The following PEAK1 variants were observed in gnomAD, a reference collection of about 807,000 sequenced individuals.
PEAK1 encodes inactive tyrosine-protein kinase PEAK1.
A neutral mutation model predicts 124.7 loss-of-function variants in PEAK1; 54 were observed. That is an observed-to-expected ratio of 0.43 (90% CI 0.35 to 0.54). The LOEUF is 0.54. Ranked by LOEUF, PEAK1 falls within the 20% of genes least tolerant of loss-of-function variation. PEAK1 has a pLI of 0.01. For synonymous variants in PEAK1, 719 were observed against 760.0 expected, an observed-to-expected ratio of 0.95 and a Z score of 0.89; for missense variants, 2,046 against 2,134.5, an observed-to-expected ratio of 0.96 and a Z score of 0.82.
At chr15:77,339,749 T>C (rs571971159) in intron 2 of PEAK1, among the ~76,000 whole-genome samples, 18 of 152,244 alleles carry the variant, frequency 1.2e-4, no homozygotes, top group African/African-American at 3.4e-4. Context: ...GCAAAAGACA[T>C]ATCTGAAATC....
At chr15:77,116,704 CTAT>C (rs1566987301) in intron 9 of PEAK1, among the ~76,000 whole-genome samples, 12 of 14,478 alleles carry the variant, frequency 8.3e-4, no homozygotes, top group Admixed American at 2.3e-3. Flanking sequence ...ATCAATCAAT[CTAT>C]CTATCTATCT....
intron 6 of PEAK1, among the ~76,000 whole-genome samples, chr15:77,250,167 A>G (rs961840023): frequency 7.1e-6 from 1 of 141,526 alleles, no homozygotes; most frequent in Non-Finnish European, 1.5e-5. Context: ...ATATATATAC[A>G]TATATATGTA....
chr15:77,247,601 G>T (rs34320515), intron 6 of PEAK1, among the ~76,000 whole-genome samples: 8 of 143,890 alleles, frequency 5.6e-5, no homozygotes, highest in Non-Finnish European at 1.2e-4. Context: ...ACATGCCCCA[G>T]AGTAGCTGGG....
chr15:77,237,173 C>T (rs1275231326), intron 6 of PEAK1, among the ~76,000 whole-genome samples: 1 of 152,138 alleles, frequency 6.6e-6, no homozygotes, highest in Non-Finnish European at 1.5e-5. Context: ...ATATTAGTTA[C>T]TTTTGGATAA....
intron 1 of PEAK1, chr15:77,403,541 T>C (rs2142032174): frequency 1.0e-6 from 1 of 972,520 alleles, no homozygotes; most frequent in Admixed American, 6.2e-5. Flanking sequence ...ACTGGTAGCA[T>C]ATTTATTTAG....
upstream of PEAK1, chr15:77,420,781 G>T: frequency 7.5e-6 from 3 of 398,544 alleles, no homozygotes; most frequent in Non-Finnish European, 1.3e-5. Context: ...CGGAGCAATT[G>T]TAAATGCTAT....
Position 77,382,297 on chromosome 15 carries a change from A to G in PEAK1, c.-665-17072T>C, listed in dbSNP as rs944687467. ...ATTTGACACCCAACAGTCCTTTCCA[A>G]TCTCATCCTTCACCATGCTACTTTC... On this transcript the variant is annotated intron_variant, in intron 1 of 9. Transcript: ENST00000682557. Among the ~76,000 whole-genome samples the G allele has an allele frequency of 3.3e-5, 5 of 152,056 alleles. 1 individual carries two copies. Among genetic ancestry groups the G allele is most frequent in the Non-Finnish European group, 5.9e-5 (4 of 68,006 alleles).
rs1210886123 is a variant in PEAK1 at position 77,181,056 on chromosome 15, AT to A, written c.870del (p.Lys290AsnfsTer28). ...LSPVRFFVDK[K>X]WNTIPLRNKS... ...TTGTTTCGCAGGGGGATGGTATTCC[AT>A]TTTTTGTCCACAAAGAATCGAACAG... On this transcript the variant is annotated frameshift_variant, in exon 7 of 10. Coordinates refer to ENST00000682557, the MANE Select transcript of PEAK1 (RefSeq NM_001385026.1). LOFTEE classifies it high-confidence loss of function. The A allele has an allele frequency of 1.2e-6, 2 of 1,614,124 alleles. No individual in the cohort carries two copies. The highest frequency in any genetic ancestry group is 1.7e-6 in the Non-Finnish European group (2 of 1,179,990).
At chr15:77,354,404 G>A (rs911455577) in intron 2 of PEAK1, among the ~76,000 whole-genome samples, 8 of 152,034 alleles carry the variant, frequency 5.3e-5, no homozygotes, top group African/African-American at 1.9e-4. Context: ...TCTCCTATCT[G>A]GACTATATAT....
At chr15:77,302,281 A>G (rs62008453) in intron 2 of PEAK1, among the ~76,000 whole-genome samples, 11,685 of 152,208 alleles carry the variant, frequency 0.077, 558 homozygotes, top group Non-Finnish European at 0.1. Context: ...TATGTACACT[A>G]ACCTGTGCAT....
chr15:77,147,021 T>C (rs74025074), intron 8 of PEAK1, among the ~76,000 whole-genome samples: 33,685 of 152,122 alleles, frequency 0.22, 4,212 homozygotes, highest in Middle Eastern at 0.3. Flanking sequence ...GTTTGAAGGA[T>C]AAAGCCTAAA....
At chr15:77,122,459 C>T (rs1206514419) in intron 9 of PEAK1, among the ~76,000 whole-genome samples, 1 of 152,168 alleles carries the variant, frequency 6.6e-6, no homozygotes, top group Non-Finnish European at 1.5e-5. Flanking sequence ...ACTAGAGAAA[C>T]TGAGGCACAG....
chr15:77,332,969 T>G, intron 2 of PEAK1: 1 of 760,562 alleles, frequency 1.3e-6, no homozygotes, highest in Non-Finnish European at 1.6e-6. Flanking sequence ...GCCCTATTCA[T>G]GACTGCTCCT....
intron 2 of PEAK1, among the ~76,000 whole-genome samples, chr15:77,340,157 C>T (rs953848742): frequency 6.6e-6 from 1 of 152,166 alleles, no homozygotes; most frequent in African/African-American, 2.4e-5. Flanking sequence ...AATGTCCACA[C>T]AAAAACCTGC....
intron 7 of PEAK1, among the ~76,000 whole-genome samples, chr15:77,169,844 CTGAA>C (rs2056382415): frequency 6.6e-6 from 1 of 152,084 alleles, no homozygotes; most frequent in Admixed American, 6.6e-5. Context: ...GCTTGAGCAA[CTGAA>C]TGAATGGAGG....
Position 77,181,675 on chromosome 15 carries a change from A to G in PEAK1, c.252T>C (p.Ser84=), listed in dbSNP as rs1411185725. 2 of 1,614,042 alleles carry G rather than the reference A, an allele frequency of 1.2e-6. No homozygotes were observed. The highest frequency in any genetic ancestry group is 2.2e-5 in the South Asian group (2 of 91,068). Residue 84 remains serine (S), a synonymous_variant, in exon 7 of 10, where the codon AGT becomes AGC. Coordinates refer to ENST00000682557, the MANE Select transcript of PEAK1 (RefSeq NM_001385026.1). ...CTTGGATGCTAAGCTCACCACATAT[A>G]CTTTGCCCATCTGCCACTATCATAG... ...KPTMIVADGQ[S]ICGELSIQEH...
At chr15:77,170,131 G>A (rs965554321) in intron 7 of PEAK1, among the ~76,000 whole-genome samples, 4 of 152,060 alleles carry the variant, frequency 2.6e-5, no homozygotes, top group African/African-American at 9.7e-5. Context: ...ATAAAAAGTT[G>A]CTTCAAGATA....
At chr15:77,217,299 G>A (rs1474197579) in intron 6 of PEAK1, among the ~76,000 whole-genome samples, 1 of 151,150 alleles carries the variant, frequency 6.6e-6, no homozygotes, top group Non-Finnish European at 1.5e-5. Flanking sequence ...CTACCAAGAT[G>A]TGGAAATGGT....
At chr15:77,200,606 T>C (rs1367968753) in intron 6 of PEAK1, among the ~76,000 whole-genome samples, 2 of 152,180 alleles carry the variant, frequency 1.3e-5, no homozygotes, top group African/African-American at 2.4e-5. Context: ...ACTGTGAATA[T>C]AGCATAGTAG....
Sources: allele counts gnomAD v4.1 joint callset (sites outside exome capture counted in the v4.1 genomes callset), GRCh38; gene constraint gnomAD v4.1.1; transcripts MANE v1.5; gene names NCBI Gene and HGNC (gene_info 2026-07-23, HGNC 2026-07-21).